GRIK2: variants seen among roughly 807,000 people sequenced by gnomAD.
The protein encoded by GRIK2 is glutamate receptor ionotropic, kainate 2.
GRIK2 carries 32 observed loss-of-function variants against 100.3 expected under a neutral mutation model. That is an observed-to-expected ratio of 0.32 (90% CI 0.24 to 0.43). The LOEUF is 0.43. Among genes scored for constraint, GRIK2 ranks in the 20% least tolerant of loss-of-function variants. The pLI, the probability that GRIK2 is intolerant of heterozygous loss-of-function variation, is 1.00. For missense variants in GRIK2, 843 were observed against 1,114.9 expected (o/e 0.76, Z 3.47); for synonymous variants, 417 against 389.4 (o/e 1.07, Z -0.83).
At chr6:101,790,211 C>T (rs915914759) in intron 7 of GRIK2, among the ~76,000 whole-genome samples, 1 of 151,796 alleles carries the variant, frequency 6.6e-6, no homozygotes, top group Non-Finnish European at 1.5e-5. Flanking sequence ...CTTCTCCTGC[C>T]TAATTGCCCT....
intron 4 of GRIK2, among the ~76,000 whole-genome samples, chr6:101,674,399 A>T (rs1017415323): frequency 1.3e-5 from 2 of 152,220 alleles, no homozygotes; most frequent in African/African-American, 4.8e-5. Context: ...TGGTTTATTT[A>T]TAAAAAGTAG....
Position 101,611,128 on chromosome 6 carries a change from A to G in GRIK2, c.116-10821A>G, listed in dbSNP as rs552019172. Among the ~76,000 whole-genome samples, 31 of 151,906 alleles carry G rather than the reference A, an allele frequency of 2.0e-4. 1 individual carries two copies. Among genetic ancestry groups the G allele is most frequent in the African/African-American group, 7.5e-4 (31 of 41,528 alleles). ...AATCAACACTTATTTTCCATCCACT[A>G]CTGAAAAATAATGTTGGAAAGTGTA... On this transcript the variant is annotated intron_variant, in intron 2 of 16. Coordinates refer to ENST00000369134, the MANE Select transcript of GRIK2 (RefSeq NM_021956.5).
At chr6:101,969,472 A>G (rs1256970374) in intron 14 of GRIK2, among the ~76,000 whole-genome samples, 10 of 151,948 alleles carry the variant, frequency 6.6e-5, no homozygotes, top group Admixed American at 3.3e-4. Flanking sequence ...TTTTAAGAGA[A>G]AGGCCTATGA....
chr6:101,411,244 T>A (rs1290627454), intron 2 of GRIK2, among the ~76,000 whole-genome samples: 2 of 152,058 alleles, frequency 1.3e-5, no homozygotes, highest in African/African-American at 4.8e-5. Context: ...CAAAATCTAA[T>A]TCAAGTTTTG....
chr6:101,774,352 G>A (rs1778604332), intron 7 of GRIK2, among the ~76,000 whole-genome samples: 1 of 152,182 alleles, frequency 6.6e-6, no homozygotes, highest in African/African-American at 2.4e-5. Flanking sequence ...ATAATTGGAT[G>A]TATTGGAGAC....
chr6:101,793,384 T>C (rs1003482900), intron 7 of GRIK2, among the ~76,000 whole-genome samples: 1 of 152,180 alleles, frequency 6.6e-6, no homozygotes. Flanking sequence ...AGATGGGTTT[T>C]GGTGTGGATG....
chr6:101,654,324 G>T (rs1270745303), intron 4 of GRIK2, among the ~76,000 whole-genome samples: 1 of 151,982 alleles, frequency 6.6e-6, no homozygotes, highest in Non-Finnish European at 1.5e-5. Flanking sequence ...TTTTTCCCCA[G>T]TCCTGTATTA....
chr6:101,831,425 C>T (rs1243728705), intron 10 of GRIK2, among the ~76,000 whole-genome samples: 5 of 152,018 alleles, frequency 3.3e-5, no homozygotes, highest in Non-Finnish European at 7.4e-5. Flanking sequence ...ACCTGTGGTG[C>T]ACCATGGCTT....
At chr6:101,869,267 A>T (rs1298997058) in intron 11 of GRIK2, among the ~76,000 whole-genome samples, 1 of 151,940 alleles carries the variant, frequency 6.6e-6, no homozygotes, top group East Asian at 1.9e-4. Context: ...GGGAGAATTA[A>T]CATAAAGAAA....
At chr6:101,559,443 A>G (rs1368380989) in intron 2 of GRIK2, among the ~76,000 whole-genome samples, 1 of 152,106 alleles carries the variant, frequency 6.6e-6, no homozygotes, top group Non-Finnish European at 1.5e-5. Context: ...TCATTGAATG[A>G]TTAATTGCAA....
Position 101,799,696 on chromosome 6 carries a change from G to T in GRIK2, c.1000G>T (p.Val334Phe). 1 of 1,612,204 alleles carries T rather than the reference G, an allele frequency of 6.2e-7. No homozygotes were observed. The highest frequency in any genetic ancestry group is 8.5e-7 in the Non-Finnish European group (1 of 1,178,452). Residue 334 changes from valine to phenylalanine, a missense_variant, in exon 8 of 17, where the codon GTT becomes TTT. By Grantham distance (50) the Val-to-Phe change is conservative. This residue lies in a region of GRIK2 where 519 missense variants were observed against 643.8 expected (regional missense o/e 0.81). Coordinates refer to ENST00000369134, the MANE Select transcript of GRIK2 (RefSeq NM_021956.5). ...TGCTGTGCATGTGGTGTCTGTGGCC[G>T]TTCAACAGTTTCCCCAGATGACAGT... is the stretch of plus-strand genomic sequence containing the variant. ...YDAVHVVSVA[V>F]QQFPQMTVSS...
intron 14 of GRIK2, among the ~76,000 whole-genome samples, chr6:101,932,577 T>C (rs186073124): frequency 6.6e-6 from 1 of 151,482 alleles, no homozygotes; most frequent in African/African-American, 2.4e-5. Context: ...TTACATTCTT[T>C]GAAGTTTTTT....
chr6:102,033,196 T>C (rs1372897365), intron 14 of GRIK2, among the ~76,000 whole-genome samples: 2 of 151,434 alleles, frequency 1.3e-5, no homozygotes, highest in Admixed American at 6.6e-5. Flanking sequence ...AAAATTTATA[T>C]ATGTGTAAAC....
chr6:101,465,331 A>G (rs1027036776), intron 2 of GRIK2, among the ~76,000 whole-genome samples: 9 of 152,126 alleles, frequency 5.9e-5, no homozygotes, highest in Non-Finnish European at 4.4e-5. Flanking sequence ...CCATGTATAT[A>G]TATCATTTAG....
At position 102,055,494 on chromosome 6, in the gene GRIK2, G is replaced by A; in HGVS notation, c.2476G>A (p.Val826Ile). Residue 826 changes from valine (V) to isoleucine (I), a missense_variant, in exon 16 of 17, where the codon GTT becomes ATT. Physicochemically the swap from Val to Ile is conservative, Grantham distance 29 (BLOSUM62 3). Transcript: ENST00000369134. ...TCAGAATATTGGTGGCATCTTCATT[G>A]TTCTGGCAGCCGGCTTGGTGCTTTC... Reference protein sequence around the residue: ...GVQNIGGIFIVLAAGLVLSVF... With the variant: ...GVQNIGGIFIILAAGLVLSVF... 2 of 1,613,702 alleles carry A rather than the reference G, an allele frequency of 1.2e-6. No individual in the cohort carries two copies. The highest frequency in any genetic ancestry group is 1.7e-6 in the Non-Finnish European group (2 of 1,179,700).
intron 7 of GRIK2, among the ~76,000 whole-genome samples, chr6:101,754,351 T>A (rs1330233087): frequency 6.6e-6 from 1 of 152,238 alleles, no homozygotes; most frequent in Non-Finnish European, 1.5e-5. Flanking sequence ...TAGATTGTTC[T>A]ATCTCAAAGT....
At chr6:101,967,151 A>T (rs1324188409) in intron 14 of GRIK2, among the ~76,000 whole-genome samples, 2 of 151,872 alleles carry the variant, frequency 1.3e-5, no homozygotes, top group African/African-American at 2.4e-5. Context: ...TTATTTTATT[A>T]GTAACCTAGT....
intron 2 of GRIK2, among the ~76,000 whole-genome samples, chr6:101,462,240 A>C (rs905172182): frequency 6.6e-6 from 1 of 152,204 alleles, no homozygotes; most frequent in Non-Finnish European, 1.5e-5. Context: ...CCCTCAATAC[A>C]TATTTTTCTG....
chr6:101,546,368 C>T (rs1562216036), intron 2 of GRIK2, among the ~76,000 whole-genome samples: 2 of 152,054 alleles, frequency 1.3e-5, no homozygotes, highest in Admixed American at 6.6e-5. Flanking sequence ...TTTATGTTGG[C>T]CTTTTATTTG....
Sources: allele counts gnomAD v4.1 joint callset (sites outside exome capture counted in the v4.1 genomes callset), GRCh38; gene constraint gnomAD v4.1.1; regional missense constraint gnomAD v4.1.1; transcripts MANE v1.5; gene names NCBI Gene and HGNC (gene_info 2026-07-23, HGNC 2026-07-21).